Variants in SLN observed in about 807,000 individuals in gnomAD.
SLN encodes sarcolipin.
For synonymous variants in SLN, 19 were observed against 14.4 expected, an observed-to-expected ratio of 1.32 and a Z score of -0.72; for missense variants, 34 against 37.4, an observed-to-expected ratio of 0.91 and a Z score of 0.24.
At position 107,710,393 on chromosome 11, in the gene SLN, C is replaced by T. The variant is rs115648508; in HGVS notation, c.-76+1570G>A. ...AAAATGAGAAAAATACTATTGAAAGCTGTTCCACAGCTCTGTTTGTGTTAC... is the reference window on the plus strand; with the variant it reads ...AAAATGAGAAAAATACTATTGAAAGTTGTTCCACAGCTCTGTTTGTGTTAC... On this transcript the variant is annotated intron_variant, in intron 1 of 1. Transcript: ENST00000305991. 4.2e-3 allele frequency among the ~76,000 whole-genome samples: 639 copies of T among 152,340 alleles called. 5 individuals are homozygous for T. The highest frequency in any genetic ancestry group is 0.015 in the African/African-American group (606 of 41,570).
At chr11:107,710,508 G>GTT (rs1867200513) in intron 1 of SLN, among the ~76,000 whole-genome samples, 2 of 141,474 alleles carry the variant, frequency 1.4e-5, no homozygotes, top group Non-Finnish European at 3.1e-5. Context: ...AGGAGATTAA[G>GTT]ATGTTTGTGT....
chr11:107,708,686 T>C (rs1391996737), intron 1 of SLN, among the ~76,000 whole-genome samples: 1 of 152,218 alleles, frequency 6.6e-6, no homozygotes, highest in Admixed American at 6.5e-5. Context: ...TTTCATAAAA[T>C]GTGAAATATT....
At chr11:107,709,561 G>A (rs1867189850) in intron 1 of SLN, among the ~76,000 whole-genome samples, 1 of 152,134 alleles carries the variant, frequency 6.6e-6, no homozygotes, top group East Asian at 1.9e-4. Context: ...TAACATACAG[G>A]TTCAGCCAGG....
At position 107,708,005 on chromosome 11, in the gene SLN, C is replaced by G; in HGVS notation, c.-75G>C. 1.1e-6 allele frequency: 1 copy of G among 911,478 alleles called. No individual in the cohort carries two copies. Among genetic ancestry groups the G allele is most frequent in the Non-Finnish European group, 1.8e-6 (1 of 541,350 alleles). The allele number at this position is 911,478 out of a possible 1,614,324, so 56.5% of individuals were successfully genotyped here. Reference sequence around the variant, plus strand: ...AAGGACCTCTGGCTTCTCCTCACCTCCTGATAAAACATAACAAAGAAAACA... The same window carrying G: ...AAGGACCTCTGGCTTCTCCTCACCTGCTGATAAAACATAACAAAGAAAACA... On this transcript the variant is annotated splice_region_variant and 5_prime_UTR_variant, in exon 2 of 2. Transcript: ENST00000305991.
chr11:107,711,520 G>A (rs1017217023), intron 1 of SLN, among the ~76,000 whole-genome samples: 2 of 152,144 alleles, frequency 1.3e-5, no homozygotes, highest in Non-Finnish European at 2.9e-5. Context: ...ATTCAGATCA[G>A]CCAAGTTCCA....
chr11:107,709,992 A>G (rs1253879534), intron 1 of SLN, among the ~76,000 whole-genome samples: 3 of 152,212 alleles, frequency 2.0e-5, no homozygotes, highest in Non-Finnish European at 4.4e-5. Flanking sequence ...AAATCTTTAC[A>G]AAGATTTGCA....
rs1349419546 is a variant in SLN at position 107,707,631 on chromosome 11, C to T, written c.*204G>A. The T allele has an allele frequency of 5.9e-6, 3 of 506,316 alleles. No homozygotes were observed. The highest frequency in any genetic ancestry group is 5.8e-5 in the African/African-American group (3 of 51,904). 31.4% of individuals were successfully genotyped at this position (506,316 alleles called of 1,614,324 possible). On this transcript the variant is annotated 3_prime_UTR_variant, in exon 2 of 2. Coordinates refer to ENST00000305991, the MANE Select transcript of SLN (RefSeq NM_003063.3). ...AATAAATCTACCGTTCCCTGGCAAACACTTGGCAGCCCTTGGGAGCAGCAT... is the reference window on the plus strand; with the variant it reads ...AATAAATCTACCGTTCCCTGGCAAATACTTGGCAGCCCTTGGGAGCAGCAT...
Position 107,707,793 on chromosome 11 carries a change from T to C in SLN, c.*42A>G, listed in dbSNP as rs1270595773. The C allele has an allele frequency of 1.4e-6, 2 of 1,463,138 alleles. No homozygotes were observed. Among genetic ancestry groups the C allele is most frequent in the South Asian group, 2.3e-5 (2 of 88,026 alleles). The allele number at this position is 1,463,138 out of a possible 1,614,324, so 90.6% of individuals were successfully genotyped here. A position where few individuals can be genotyped will look rare whatever the true frequency, so the allele number is the denominator to read the frequency against. On this transcript the variant is annotated 3_prime_UTR_variant, in exon 2 of 2. Coordinates refer to ENST00000305991, the MANE Select transcript of SLN (RefSeq NM_003063.3). ...GGTCTCAGGGCATAGAGCAGGCAGC[T>C]CCGGAGCATCTCAGTCAATCCCAGG...
intron 1 of SLN, among the ~76,000 whole-genome samples, chr11:107,708,590 G>A (rs2135742407): frequency 6.6e-6 from 1 of 152,274 alleles, no homozygotes; most frequent in East Asian, 1.9e-4. Context: ...AATGATTACA[G>A]AGAGAGAGCC....
intron 1 of SLN, 38 bp from the exon 2 acceptor site, chr11:107,708,043 T>C (rs1028043885): frequency 2.7e-6 from 2 of 743,770 alleles, no homozygotes; most frequent in Middle Eastern, 2.6e-4. Flanking sequence ...AGGAGATTAA[T>C]GGGCATTCCT....
intron 1 of SLN, among the ~76,000 whole-genome samples, chr11:107,709,573 A>T (rs531183684): frequency 6.6e-6 from 1 of 152,358 alleles, no homozygotes; most frequent in African/African-American, 2.4e-5. Flanking sequence ...TCAGCCAGGC[A>T]TGGCAGTCGG....
rs185164118 is a variant in SLN, at chr11:107,707,729, C to T, written c.*106G>A. The stretch of plus-strand genomic sequence containing the variant: ...TGTGAGTGCAGGTCACAGGTGCCCT[C>T]GGATGGAGAATGGCATCCTGTGACA... On this transcript the variant is annotated 3_prime_UTR_variant, in exon 2 of 2. Coordinates refer to ENST00000305991, the MANE Select transcript of SLN (RefSeq NM_003063.3). 19 of 798,152 alleles carry T rather than the reference C, an allele frequency of 2.4e-5. No homozygotes were observed. The highest frequency in any genetic ancestry group is 1.7e-4 in the Admixed American group (9 of 53,226). 49.4% of individuals were successfully genotyped at this position (798,152 alleles called of 1,614,324 possible).
intron 1 of SLN, among the ~76,000 whole-genome samples, chr11:107,709,688 A>T (rs1263320230): frequency 1.3e-5 from 2 of 152,198 alleles, no homozygotes; most frequent in African/African-American, 4.8e-5. Flanking sequence ...CTCAAAAAAA[A>T]ATACAAGTTC....
intron 1 of SLN, among the ~76,000 whole-genome samples, chr11:107,709,228 C>T (rs1867186037): frequency 1.3e-5 from 2 of 152,152 alleles, no homozygotes; most frequent in Admixed American, 6.5e-5. Flanking sequence ...GTGTAAATTG[C>T]ACATTATTTA....
At chr11:107,709,532 T>C (rs905625208) in intron 1 of SLN, among the ~76,000 whole-genome samples, 1 of 152,218 alleles carries the variant, frequency 6.6e-6, no homozygotes, top group South Asian at 2.1e-4. Flanking sequence ...TGATCATTTT[T>C]CATATTGTGT....
chr11:107,710,879 T>C (rs1315904612), intron 1 of SLN, among the ~76,000 whole-genome samples: 4 of 152,192 alleles, frequency 2.6e-5, no homozygotes, highest in Non-Finnish European at 4.4e-5. Flanking sequence ...AGTTATACAT[T>C]TGAATTTCAT....
chr11:107,709,843 C>T (rs570419120), intron 1 of SLN, among the ~76,000 whole-genome samples: 46 of 152,064 alleles, frequency 3.0e-4, no homozygotes, highest in Non-Finnish European at 4.3e-4. Flanking sequence ...AATGGCTGGG[C>T]GTGGTGGCTC....
intron 1 of SLN, 127 bp downstream of exon 1, chr11:107,711,836 T>G (rs1028518293): frequency 5.3e-5 from 8 of 152,184 alleles, no homozygotes; most frequent in African/African-American, 9.7e-5. Flanking sequence ...CTTTATATCT[T>G]AAGGCATGCT....
intron 1 of SLN, among the ~76,000 whole-genome samples, chr11:107,709,116 C>T (rs913766396): frequency 2.0e-5 from 3 of 152,188 alleles, no homozygotes; most frequent in African/African-American, 7.2e-5. Context: ...TTTCAAAGAG[C>T]AGGGATGGTA....
Sources: gnomAD v4.1 joint callset for allele counts (sites outside exome capture counted in the v4.1 genomes callset) on GRCh38, gnomAD v4.1.1 for gene constraint, MANE v1.5 for transcripts, NCBI Gene and HGNC (gene_info 2026-07-23, HGNC 2026-07-21) for gene names.